Variants in GPR158 observed in about 807,000 individuals in gnomAD.
GPR158 encodes the protein G protein-coupled receptor 158.
Under a neutral mutation model 78.2 loss-of-function variants are expected in GPR158, and 30 were observed. That is an observed-to-expected ratio of 0.38 (90% CI 0.29 to 0.52). The LOEUF (loss-of-function observed/expected upper bound fraction) is 0.52, where lower values mean the gene tolerates loss of function less well. Among genes scored for constraint, GPR158 ranks in the 20% least tolerant of loss-of-function variants. The pLI is 0.83. For missense variants in GPR158, 1,463 were observed against 1,523.5 expected (o/e 0.96, Z 0.66); for synonymous variants, 581 against 591.1 (o/e 0.98, Z 0.25).
chr10:25,354,710 G>A (rs34572760), intron 2 of GPR158, among the ~76,000 whole-genome samples: 15,181 of 151,970 alleles, frequency 0.1, 1,859 homozygotes, highest in African/African-American at 0.3. Context: ...CTTTCAGACT[G>A]AAGAGCTCCC....
chr10:25,208,674 A>C (rs1853083992), intron 1 of GPR158, among the ~76,000 whole-genome samples: 1 of 151,748 alleles, frequency 6.6e-6, no homozygotes, highest in Non-Finnish European at 1.5e-5. Context: ...GGCAGCAAGA[A>C]CATCTCGACA....
intron 8 of GPR158, among the ~76,000 whole-genome samples, chr10:25,590,847 A>G (rs1564499544): frequency 6.6e-6 from 1 of 152,174 alleles, no homozygotes; most frequent in African/African-American, 2.4e-5. Flanking sequence ...CCAAGTACTT[A>G]AATCTGTTTA....
Position 25,420,953 on chromosome 10 carries a change from A to G in GPR158, c.1335+8480A>G, listed in dbSNP as rs190217566. 1.2e-3 allele frequency among the ~76,000 whole-genome samples: 187 copies of G among 152,306 alleles called. No homozygotes were observed. In the Middle Eastern group the frequency reaches 0.014, roughly 11 times the overall value. ...TGTTTTGGCTATTTGAGCTGCCTTG[A>G]AATTTTATGTAGATTTTAGGATGTG... On this transcript the variant is annotated intron_variant, in intron 4 of 10. Coordinates refer to ENST00000376351, the MANE Select transcript of GPR158 (RefSeq NM_020752.3).
At chr10:25,594,032 CA>C (rs1367990323) in intron 8 of GPR158, among the ~76,000 whole-genome samples, 1 of 151,956 alleles carries the variant, frequency 6.6e-6, no homozygotes, top group Non-Finnish European at 1.5e-5. Context: ...ACTTTACATA[CA>C]AAATAATAAT....
chr10:25,532,537 T>C (rs1836438414), intron 5 of GPR158, among the ~76,000 whole-genome samples: 1 of 152,142 alleles, frequency 6.6e-6, no homozygotes, highest in African/African-American at 2.4e-5. Context: ...CCTTGGGTCG[T>C]TTTCTGTATC....
chr10:25,321,834 T>C (rs1020829154), intron 2 of GPR158, among the ~76,000 whole-genome samples: 3 of 152,182 alleles, frequency 2.0e-5, no homozygotes, highest in African/African-American at 7.2e-5. Flanking sequence ...ATATAACTTA[T>C]GTGTATCAAA....
intron 2 of GPR158, among the ~76,000 whole-genome samples, chr10:25,316,913 ATG>A (rs1270505797): frequency 1.1e-4 from 9 of 79,790 alleles, no homozygotes; most frequent in Non-Finnish European, 2.1e-4. Flanking sequence ...GTGTGTGTTT[ATG>A]TGTGTGTGTA....
chr10:25,257,406 T>C (rs1853903928), intron 2 of GPR158, among the ~76,000 whole-genome samples: 1 of 152,196 alleles, frequency 6.6e-6, no homozygotes. Context: ...GGAAAAGACT[T>C]AGAAATTCTG....
chr10:25,337,974 C>T (rs911951832), intron 2 of GPR158, among the ~76,000 whole-genome samples: 3 of 151,536 alleles, frequency 2.0e-5, no homozygotes, highest in Admixed American at 1.3e-4. Flanking sequence ...TTTAAAATGC[C>T]TTTTTTCTTA....
In GPR158 at chr10:25,377,385, A is replaced by G. The variant is rs1257324148; in HGVS notation, c.1009-18526A>G. Among the ~76,000 whole-genome samples the G allele has an allele frequency of 2.0e-5, 3 of 152,128 alleles. No individual in the cohort carries two copies. In the South Asian group the frequency reaches 6.2e-4, roughly 31 times the overall value. ...ATTTTTTTGAAAACAGCTCTATTAA[A>G]ATGTAATTCACATACTATAAAATTT... On this transcript the variant is annotated intron_variant, in intron 2 of 10. Coordinates refer to ENST00000376351, the MANE Select transcript of GPR158 (RefSeq NM_020752.3).
chr10:25,382,370 G>T (rs1472278909), intron 2 of GPR158, among the ~76,000 whole-genome samples: 1 of 152,158 alleles, frequency 6.6e-6, no homozygotes, highest in Non-Finnish European at 1.5e-5. Context: ...GCCCTGTTTT[G>T]TGAGAGCTGG....
At chr10:25,437,865 C>T (rs1470669714) in intron 4 of GPR158, among the ~76,000 whole-genome samples, 4 of 152,040 alleles carry the variant, frequency 2.6e-5, no homozygotes, top group African/African-American at 9.7e-5. Context: ...ATAGAGGAGC[C>T]CGAGGATTGA....
rs149538443 is a variant in GPR158 at position 25,499,033 on chromosome 10, G to T, written c.1404+32314G>T. 3.7e-4 allele frequency among the ~76,000 whole-genome samples: 57 copies of T among 152,210 alleles called. 1 individual carries two copies. Among genetic ancestry groups the T allele is most frequent in the African/African-American group, 1.2e-3 (49 of 41,542 alleles). ...GGAAGAATACAGAATTGAATTCTCA[G>T]GAATCTGGTTAAGTGGGAAGGGCAG... On this transcript the variant is annotated intron_variant, in intron 5 of 10. Transcript: ENST00000376351.
At chr10:25,182,694 C>T (rs1852627437) in intron 1 of GPR158, among the ~76,000 whole-genome samples, 3 of 152,150 alleles carry the variant, frequency 2.0e-5, no homozygotes, top group Non-Finnish European at 4.4e-5. Context: ...TTAAGGCTAC[C>T]CTTTTTCAGT....
At chr10:25,507,455 G>T (rs1039562129) in intron 5 of GPR158, among the ~76,000 whole-genome samples, 1 of 152,142 alleles carries the variant, frequency 6.6e-6, no homozygotes, top group African/African-American at 2.4e-5. Flanking sequence ...GTGATTGGGA[G>T]CCCAAATGTA....
At chr10:25,539,351 G>C (rs1427634869) in intron 5 of GPR158, among the ~76,000 whole-genome samples, 1 of 152,120 alleles carries the variant, frequency 6.6e-6, no homozygotes, top group Non-Finnish European at 1.5e-5. Context: ...TCCTTGTTAT[G>C]TGTGGGGGGT....
chr10:25,283,675 T>C (rs142541328), intron 2 of GPR158, among the ~76,000 whole-genome samples: 59 of 152,120 alleles, frequency 3.9e-4, no homozygotes, highest in African/African-American at 1.4e-3. Context: ...CTTCTTTTTC[T>C]ATTTTTTAGT....
intron 2 of GPR158, among the ~76,000 whole-genome samples, chr10:25,256,820 T>C (rs1853895373): frequency 6.6e-6 from 1 of 152,212 alleles, no homozygotes; most frequent in Admixed American, 6.5e-5. Flanking sequence ...GCCGATAACA[T>C]TAGTAAATAT....
chr10:25,464,444 A>G (rs182895532), intron 4 of GPR158, among the ~76,000 whole-genome samples: 49 of 152,332 alleles, frequency 3.2e-4, no homozygotes, highest in Admixed American at 7.2e-4. Context: ...TAGTTTTCAA[A>G]TTCATCATCC....
Sources: gnomAD v4.1 joint callset for allele counts (sites outside exome capture counted in the v4.1 genomes callset) on GRCh38, gnomAD v4.1.1 for gene constraint, MANE v1.5 for transcripts, NCBI Gene and HGNC (gene_info 2026-07-23, HGNC 2026-07-21) for gene names.